CSMD1: variants seen among roughly 807,000 people sequenced by gnomAD.
The protein encoded by CSMD1 is CUB and sushi domain-containing protein 1.
In CSMD1, 213 loss-of-function variants were observed where a neutral mutation model predicts 417.5. The observed-to-expected ratio is 0.51, with a 90% confidence interval of 0.46 to 0.57. The LOEUF is 0.57. Among genes scored for constraint, CSMD1 ranks in the 20% least tolerant of loss-of-function variants. The probability of loss-of-function intolerance (pLI) is 0.00; values close to 1 mark genes in which losing one functional copy is unlikely to be tolerated. For synonymous variants in CSMD1, 2,862 were observed against 1,736.8 expected (o/e 1.65, Z -16.11); for missense variants, 6,923 against 4,529.7 (o/e 1.53, Z -15.17).
chr8:3,706,996 T>G (rs999413835), intron 7 of CSMD1, among the ~76,000 whole-genome samples: 1 of 152,100 alleles, frequency 6.6e-6, no homozygotes, highest in Non-Finnish European at 1.5e-5. Flanking sequence ...CAGATTGATT[T>G]TTTTTTTCTT....
chr8:3,293,298 T>G (rs182256944), intron 25 of CSMD1, among the ~76,000 whole-genome samples: 97 of 152,270 alleles, frequency 6.4e-4, no homozygotes, highest in African/African-American at 2.3e-3. Context: ...CTGACAATTA[T>G]GTGTCTTTGA....
intron 10 of CSMD1, among the ~76,000 whole-genome samples, chr8:3,542,082 C>T (rs1405924004): frequency 4.6e-5 from 7 of 152,124 alleles, no homozygotes; most frequent in Admixed American, 4.6e-4. Flanking sequence ...ATTTATTTTA[C>T]TGTGCTCTAT....
rs762842300 is a variant in CSMD1 at position 3,616,762 on chromosome 8, A to T, written c.1045T>A (p.Cys349Ser). ...TTTTCTGGAATCCCAGGATCTGGAC[A>T]CATGTCAGAGACCAATGCAACACCT... ...QGGVALVSDM[C>S]PDPGIPENGR... Residue 349 changes from cysteine to serine, a missense_variant, in exon 8 of 70, where the codon TGT becomes AGT. Physicochemically the swap from Cys to Ser is moderately radical, Grantham distance 112. Coordinates refer to ENST00000635120, the MANE Select transcript of CSMD1 (RefSeq NM_033225.6). The T allele has an allele frequency of 6.2e-7, 1 of 1,612,644 alleles. No homozygotes were observed. Among genetic ancestry groups the T allele is most frequent in the Admixed American group, 1.7e-5 (1 of 59,874 alleles).
intron 1 of CSMD1, among the ~76,000 whole-genome samples, chr8:4,952,898 G>A (rs1454064185): frequency 6.6e-6 from 1 of 152,108 alleles, no homozygotes; most frequent in Non-Finnish European, 1.5e-5. Context: ...GTTTTTGAAT[G>A]AAATCTATAC....
At chr8:3,892,173 A>G (rs1807020945) in intron 5 of CSMD1, among the ~76,000 whole-genome samples, 1 of 152,202 alleles carries the variant, frequency 6.6e-6, no homozygotes, top group African/African-American at 2.4e-5. Flanking sequence ...TATATGAGGC[A>G]TTTAGCCTGC....
intron 2 of CSMD1, among the ~76,000 whole-genome samples, chr8:4,626,524 T>C (rs1429056660): frequency 2.0e-5 from 3 of 152,050 alleles, no homozygotes; most frequent in Non-Finnish European, 4.4e-5. Flanking sequence ...GAGAAAGTTA[T>C]CTGATCTTAA....
At chr8:3,262,003 G>C (rs1351567081) in intron 26 of CSMD1, among the ~76,000 whole-genome samples, 2 of 151,668 alleles carry the variant, frequency 1.3e-5, no homozygotes, top group African/African-American at 2.4e-5. Flanking sequence ...GGGGGAAACT[G>C]GGTAAAGTGT....
chr8:3,299,528 A>C (rs1301296146), intron 25 of CSMD1, among the ~76,000 whole-genome samples: 1 of 151,606 alleles, frequency 6.6e-6, no homozygotes, highest in African/African-American at 2.4e-5. Flanking sequence ...GAGGAAAAGC[A>C]CACATCCTCC....
intron 5 of CSMD1, among the ~76,000 whole-genome samples, chr8:3,936,247 G>A (rs73503565): frequency 2.2e-4 from 33 of 151,468 alleles, no homozygotes; most frequent in Non-Finnish European, 4.3e-4. Flanking sequence ...AGTGATGATG[G>A]AAAGCTACAG....
chr8:4,839,871 T>C (rs1249548587), intron 1 of CSMD1, among the ~76,000 whole-genome samples: 1 of 152,218 alleles, frequency 6.6e-6, no homozygotes, highest in Non-Finnish European at 1.5e-5. Context: ...CTTTCAATTC[T>C]TAGTACTAGC....
chr8:3,950,585 G>A (rs1237193630), intron 5 of CSMD1, among the ~76,000 whole-genome samples: 2 of 152,212 alleles, frequency 1.3e-5, no homozygotes, highest in Non-Finnish European at 2.9e-5. Context: ...AATATTGCGT[G>A]AAATATGAAA....
intron 3 of CSMD1, among the ~76,000 whole-genome samples, chr8:4,032,326 T>G (rs957099685): frequency 1.3e-5 from 2 of 152,226 alleles, no homozygotes; most frequent in African/African-American, 4.8e-5. Context: ...TAAATGCATT[T>G]TGTTAAGAGA....
intron 1 of CSMD1, among the ~76,000 whole-genome samples, chr8:4,679,125 A>T (rs887575865): frequency 1.3e-5 from 2 of 152,098 alleles, no homozygotes; most frequent in African/African-American, 4.8e-5. Flanking sequence ...TTTTCTGTCA[A>T]TGTACTTTCC....
At chr8:3,884,369 G>T (rs576144909) in intron 5 of CSMD1, among the ~76,000 whole-genome samples, 80 of 152,198 alleles carry the variant, frequency 5.3e-4, no homozygotes, top group Non-Finnish European at 9.6e-4. Flanking sequence ...AGAACTGTTA[G>T]TGACATGGTG....
At chr8:3,212,066 G>T (rs1313409334) in intron 30 of CSMD1, among the ~76,000 whole-genome samples, 1 of 152,158 alleles carries the variant, frequency 6.6e-6, no homozygotes, top group Admixed American at 6.5e-5. Flanking sequence ...GCAGGCACCA[G>T]GGAGACCTTG....
At chr8:3,996,820 G>T (rs1274846049) in intron 5 of CSMD1, among the ~76,000 whole-genome samples, 1 of 152,152 alleles carries the variant, frequency 6.6e-6, no homozygotes. Context: ...CCATGAATAG[G>T]AATCATCAGC....
intron 7 of CSMD1, chr8:3,700,392 A>G (rs1800790465): frequency 6.6e-6 from 1 of 151,788 alleles, no homozygotes; most frequent in Non-Finnish European, 1.5e-5. Context: ...ACACACTCAA[A>G]TAAACATACA....
chr8:4,170,527 C>A (rs900201431), intron 3 of CSMD1, among the ~76,000 whole-genome samples: 1 of 151,800 alleles, frequency 6.6e-6, no homozygotes, highest in Non-Finnish European at 1.5e-5. Context: ...GAGGTAAAGT[C>A]TATAGTCGGA....
At chr8:4,601,895 G>A (rs1028550187) in intron 2 of CSMD1, among the ~76,000 whole-genome samples, 22 of 152,182 alleles carry the variant, frequency 1.4e-4, no homozygotes, top group South Asian at 1.2e-3. Context: ...GCCTGGAACC[G>A]TCTACATAGA....
Sources: gnomAD v4.1 joint callset for allele counts (sites outside exome capture counted in the v4.1 genomes callset) on GRCh38, gnomAD v4.1.1 for gene constraint, MANE v1.5 for transcripts, NCBI Gene and HGNC (gene_info 2026-07-23, HGNC 2026-07-21) for gene names.